PRAG1: variants seen among roughly 807,000 people sequenced by gnomAD.
PRAG1 encodes the protein inactive tyrosine-protein kinase PRAG1.
Under a neutral mutation model 95.6 loss-of-function variants are expected in PRAG1, and 110 were observed. The ratio of observed to expected loss-of-function variants is 1.15; its 90% CI spans 0.99 to 1.35. PRAG1 has a LOEUF of 1.35. Ranked by LOEUF, PRAG1 falls within the 40% of genes most tolerant of loss-of-function variation. The pLI, the probability that PRAG1 is intolerant of heterozygous loss-of-function variation, is 0.00. For missense variants in PRAG1, 2,554 were observed against 1,864.7 expected, an observed-to-expected ratio of 1.37 and a Z score of -6.81; for synonymous variants, 1,052 against 819.4, an observed-to-expected ratio of 1.28 and a Z score of -4.85.
rs764036152 is a variant in PRAG1, at chr8:8,327,697, G to C, written c.3072+13C>G. 17 of 1,600,776 alleles carry C rather than the reference G, an allele frequency of 1.1e-5. No homozygotes were observed. The highest frequency in any genetic ancestry group is 1.7e-4 in the Middle Eastern group (1 of 5,964). The stretch of plus-strand genomic sequence containing the variant: ...AGTGGCACAGCAGAATGCAAGGAGG[G>C]AGTGGTACCTACTTTCACAGCATAG... On this transcript the variant is annotated intron_variant, in intron 5 of 5. Transcript: ENST00000615670.
intron 4 of PRAG1, among the ~76,000 whole-genome samples, chr8:8,332,649 C>T (rs1798858051): frequency 6.7e-6 from 1 of 149,690 alleles, no homozygotes; most frequent in African/African-American, 2.5e-5. Flanking sequence ...CTCCAGGCCA[C>T]TCCAGGCCTC....
At chr8:8,361,638 G>T (rs1303553252) in intron 3 of PRAG1, among the ~76,000 whole-genome samples, 1 of 152,188 alleles carries the variant, frequency 6.6e-6, no homozygotes, top group Non-Finnish European at 1.5e-5. Context: ...AGGAAAATTG[G>T]AGTATTGGAT....
chr8:8,325,144 C>G (rs975387105), intron 5 of PRAG1, among the ~76,000 whole-genome samples: 1 of 152,196 alleles, frequency 6.6e-6, no homozygotes, highest in African/African-American at 2.4e-5. Context: ...CTGCGGATCC[C>G]CAGATGACTG....
intron 3 of PRAG1, among the ~76,000 whole-genome samples, chr8:8,363,414 T>C (rs1416180018): frequency 1.3e-5 from 2 of 152,156 alleles, no homozygotes; most frequent in African/African-American, 4.8e-5. Flanking sequence ...TGACACATGC[T>C]ACAAGATGGA....
chr8:8,385,760 T>C (rs1241282125), intron 1 of PRAG1, among the ~76,000 whole-genome samples: 2 of 152,044 alleles, frequency 1.3e-5, no homozygotes, highest in Non-Finnish European at 2.9e-5. Flanking sequence ...TGTCCCCGGA[T>C]ACCAGCAAAG....
Position 8,319,013 on chromosome 8 carries a change from C to G in PRAG1, c.3362G>C (p.Arg1121Pro). ...GAGTTGCAGAAGCAGGAAGCACACG[C>G]GCCGCTCGTACGCCTCGGGCTCCGC... ...HQAEPEAYER[R>P]VCFLLLQLCN... The change falls in exon 6 of 6, where the codon CGC (arginine) becomes CCC (proline). Residue 1121 changes from arginine to proline, a missense_variant. Coordinates refer to ENST00000615670, the MANE Select transcript of PRAG1 (RefSeq NM_001080826.3). The G allele has an allele frequency of 1.2e-6, 2 of 1,613,422 alleles. No individual in the cohort carries two copies. Among genetic ancestry groups the G allele is most frequent in the Non-Finnish European group, 1.7e-6 (2 of 1,179,804 alleles).
Position 8,376,570 on chromosome 8 carries a change from G to C in PRAG1, c.1839C>G (p.Pro613=). The C allele has an allele frequency of 1.9e-6, 3 of 1,607,478 alleles. No homozygotes were observed. The highest frequency in any genetic ancestry group is 2.2e-5 in the East Asian group (1 of 44,728). Residue 613 remains proline, a synonymous_variant, in exon 3 of 6, where the codon CCC becomes CCG. Coordinates refer to ENST00000615670, the MANE Select transcript of PRAG1 (RefSeq NM_001080826.3). ...CCGAGGCTGACGAGGCGGCAGGCTG[G>C]GGACACCTGGATGGGTCACTGATAG... The part of the protein sequence containing the change: ...GVAISDPSRC[P]QPAASSASEQ...
intron 5 of PRAG1, among the ~76,000 whole-genome samples, chr8:8,320,335 G>C (rs1798433954): frequency 6.6e-6 from 1 of 152,180 alleles, no homozygotes; most frequent in Admixed American, 6.5e-5. Flanking sequence ...AAACAAGATG[G>C]AAGGTCTCAG....
In PRAG1 at chr8:8,381,816, T is replaced by C; in HGVS notation, c.-69A>G. 1 of 1,348,928 alleles carries C rather than the reference T, an allele frequency of 7.4e-7. No homozygotes were observed. The highest frequency in any genetic ancestry group is 1.0e-6 in the Non-Finnish European group (1 of 1,002,054). The allele number at this position is 1,348,928 out of a possible 1,614,324, so 83.6% of individuals were successfully genotyped here. A position where few individuals can be genotyped will look rare whatever the true frequency, so the allele number is the denominator to read the frequency against. ...GGTGCAGTTTTGTGGGATTCAGAGG[T>C]GGGTCACAGAGCGGCTTCCTAGAAA... On this transcript the variant is annotated 5_prime_UTR_variant, in exon 2 of 6. Coordinates refer to ENST00000615670, the MANE Select transcript of PRAG1 (RefSeq NM_001080826.3).
In PRAG1 at chr8:8,327,695, G is replaced by A; in HGVS notation, c.3072+15C>T. ...CCAGTGGCACAGCAGAATGCAAGGA[G>A]GGAGTGGTACCTACTTTCACAGCAT... On this transcript the variant is annotated intron_variant, in intron 5 of 5. Coordinates refer to ENST00000615670, the MANE Select transcript of PRAG1 (RefSeq NM_001080826.3). 6.3e-7 allele frequency: 1 copy of A among 1,597,382 alleles called. No homozygotes were observed. Among genetic ancestry groups the A allele is most frequent in the Non-Finnish European group, 8.6e-7 (1 of 1,169,540 alleles).
intron 3 of PRAG1, among the ~76,000 whole-genome samples, chr8:8,367,283 C>T (rs551086092): frequency 6.6e-6 from 1 of 151,558 alleles, no homozygotes; most frequent in South Asian, 2.1e-4. Flanking sequence ...ACATGGTGAA[C>T]CCCATCTCTA....
At chr8:8,375,475 C>G (rs1800355528) in intron 3 of PRAG1, among the ~76,000 whole-genome samples, 1 of 152,144 alleles carries the variant, frequency 6.6e-6, no homozygotes, top group African/African-American at 2.4e-5. Flanking sequence ...GCTGAGATTA[C>G]AGGCGTGAGC....
intron 3 of PRAG1, among the ~76,000 whole-genome samples, chr8:8,371,720 T>C (rs1017696405): frequency 6.6e-6 from 1 of 151,970 alleles, no homozygotes; most frequent in Non-Finnish European, 1.5e-5. Flanking sequence ...AATATAAAAA[T>C]TAGCGGGGGC....
rs747675174 is a variant in PRAG1 at position 8,327,752 on chromosome 8, A to G, written c.3030T>C (p.Cys1010=). ...TGCCGGGGTCCTCAGAGCAGGTGGC[A>G]CAGTAATAAATGGCATCCCCCGAGT... The part of the protein sequence containing the change: ...CCDSGDAIYY[C]ATCSEDPGST... The change falls in exon 5 of 6, where the codon TGT becomes TGC. Residue 1010 remains cysteine, a synonymous_variant. Transcript: ENST00000615670. 20 of 1,614,176 alleles carry G rather than the reference A, an allele frequency of 1.2e-5. No individual in the cohort carries two copies. Among genetic ancestry groups the G allele is most frequent in the Non-Finnish European group, 1.5e-5 (18 of 1,180,012 alleles).
intron 3 of PRAG1, among the ~76,000 whole-genome samples, chr8:8,375,360 C>G (rs527495689): frequency 6.6e-6 from 1 of 152,090 alleles, no homozygotes. Flanking sequence ...CCCGCCACCA[C>G]GCCTGGCTAA....
At position 8,377,157 on chromosome 8, in the gene PRAG1, T is replaced by C. The variant is rs750754994; in HGVS notation, c.1252A>G (p.Lys418Glu). The change falls in exon 3 of 6, where the codon AAG becomes GAG. Residue 418 changes from lysine to glutamate, a missense_variant. Transcript: ENST00000615670. The part of the protein sequence containing the change: ...QPEPIYAEST[K>E]RKKAAPVPSK... ...GGCACCGGAGCTGCCTTCTTCCTCT[T>C]GGTGCTCTCAGCATAGATGGGTTCA... 48 of 1,612,068 alleles carry C rather than the reference T, an allele frequency of 3.0e-5. No individual in the cohort carries two copies. Among genetic ancestry groups the C allele is most frequent in the Non-Finnish European group, 3.8e-5 (45 of 1,179,962 alleles).
chr8:8,341,096 G>A (rs1799147148), intron 3 of PRAG1, among the ~76,000 whole-genome samples: 1 of 152,132 alleles, frequency 6.6e-6, no homozygotes, highest in South Asian at 2.1e-4. Context: ...CTCAGTCTAG[G>A]AGAGAAGCCA....
chr8:8,374,579 G>T, intron 3 of PRAG1: 1 of 853,654 alleles, frequency 1.2e-6, no homozygotes, highest in Non-Finnish European at 1.4e-6. Flanking sequence ...AGGATGAAAT[G>T]AGTTGTTATG....
At chr8:8,323,743 A>G (rs1381598731) in intron 5 of PRAG1, among the ~76,000 whole-genome samples, 1 of 152,116 alleles carries the variant, frequency 6.6e-6, no homozygotes, top group Non-Finnish European at 1.5e-5. Context: ...CTGAACTGTG[A>G]GTCAATTAAA....
Sources: gnomAD v4.1 joint callset for allele counts (sites outside exome capture counted in the v4.1 genomes callset) on GRCh38, gnomAD v4.1.1 for gene constraint, MANE v1.5 for transcripts, NCBI Gene and HGNC (gene_info 2026-07-23, HGNC 2026-07-21) for gene names.